The following ADGRL2 variants were observed in gnomAD, a reference collection of about 807,000 sequenced individuals.
ADGRL2 encodes the protein calcium-independent alpha-latrotoxin receptor 2.
A neutral mutation model predicts 157.4 loss-of-function variants in ADGRL2; 44 were observed. The observed-to-expected ratio is 0.28, with a 90% CI of 0.22 to 0.36. The LOEUF is 0.36. ADGRL2 is among the 10% of genes least tolerant of loss of function. The pLI is 1.00. For missense variants in ADGRL2, 1,510 were observed against 1,768.9 expected, an observed-to-expected ratio of 0.85 and a Z score of 2.63; for synonymous variants, 585 against 624.7, an observed-to-expected ratio of 0.94 and a Z score of 0.95.
chr1:81,607,579 A>G (rs1291379862), intron 3 of ADGRL2, among the ~76,000 whole-genome samples: 1 of 152,176 alleles, frequency 6.6e-6, no homozygotes, highest in Non-Finnish European at 1.5e-5. Context: ...AAAGGACAAA[A>G]CATGAAATTC....
rs181855393 is a variant in ADGRL2, at chr1:81,650,235, C to T, written c.-143+69255C>T. Among the ~76,000 whole-genome samples the T allele has an allele frequency of 1.0e-3, 158 of 152,034 alleles. 1 individual carries two copies. Among genetic ancestry groups the T allele is most frequent in the African/African-American group, 3.7e-3 (152 of 41,504 alleles). On this transcript the variant is annotated intron_variant, in intron 3 of 24. Coordinates refer to the ADGRL2 transcript ENST00000370721. The stretch of plus-strand genomic sequence containing the variant: ...GAATGATTGACTTTTGCTTGGAAAA[C>T]AGAGAAGGAACATGGCAGGTGAAGG...
At chr1:81,756,018 C>T (rs1426820224) in intron 1 of ADGRL2, among the ~76,000 whole-genome samples, 1 of 152,146 alleles carries the variant, frequency 6.6e-6, no homozygotes, top group African/African-American at 2.4e-5. Flanking sequence ...AGAAACATTT[C>T]TTTAAAATAT....
intron 1 of ADGRL2, among the ~76,000 whole-genome samples, chr1:81,344,657 A>T (rs566447377): frequency 2.5e-5 from 3 of 120,882 alleles, no homozygotes; most frequent in Non-Finnish European, 4.9e-5. Context: ...CAAGAGCGAA[A>T]CTCTGTCTCA....
chr1:81,517,865 A>G (rs974838618), intron 2 of ADGRL2, among the ~76,000 whole-genome samples: 4 of 152,222 alleles, frequency 2.6e-5, no homozygotes, highest in African/African-American at 9.6e-5. Context: ...GAGGGGCGTT[A>G]CAAATCCCAC....
chr1:81,495,132 C>G (rs2078705919), intron 2 of ADGRL2, among the ~76,000 whole-genome samples: 1 of 152,130 alleles, frequency 6.6e-6, no homozygotes, highest in Non-Finnish European at 1.5e-5. Flanking sequence ...TTTCTGATTA[C>G]TTTGCCCACA....
chr1:81,634,698 T>A (rs1467513495), intron 3 of ADGRL2, among the ~76,000 whole-genome samples: 1 of 151,988 alleles, frequency 6.6e-6, no homozygotes, highest in Non-Finnish European at 1.5e-5. Context: ...TAATTTTGTA[T>A]TTTTAGTAGA....
intron 2 of ADGRL2, among the ~76,000 whole-genome samples, chr1:81,851,638 T>C (rs1180325872): frequency 6.6e-6 from 1 of 151,912 alleles, no homozygotes; most frequent in Non-Finnish European, 1.5e-5. Flanking sequence ...CTCTTTTTCT[T>C]AATTACTTTA....
At chr1:81,799,941 C>T (rs1193572437), upstream of ADGRL2, among the ~76,000 whole-genome samples, 2 of 152,104 alleles carry the variant, frequency 1.3e-5, no homozygotes, top group Non-Finnish European at 2.9e-5. Context: ...ACTTAACTGG[C>T]TTTTAAACGT....
At chr1:81,563,088 A>G (rs934247356) in intron 2 of ADGRL2, among the ~76,000 whole-genome samples, 1 of 152,162 alleles carries the variant, frequency 6.6e-6, no homozygotes, top group African/African-American at 2.4e-5. Flanking sequence ...ACATTTCTCA[A>G]TATGACCTGT....
intron 2 of ADGRL2, among the ~76,000 whole-genome samples, chr1:81,555,981 C>T (rs2080266373): frequency 6.6e-6 from 1 of 151,796 alleles, no homozygotes; most frequent in African/African-American, 2.4e-5. Flanking sequence ...CGTATCACTG[C>T]TCCTACTACA....
chr1:81,659,613 C>T (rs79037503), intron 3 of ADGRL2, among the ~76,000 whole-genome samples: 2,673 of 151,818 alleles, frequency 0.018, 25 homozygotes, highest in Middle Eastern at 0.037. Flanking sequence ...GGATGTGTAA[C>T]ATTGATGACA....
At chr1:81,748,857 G>A (rs1488097427) in intron 1 of ADGRL2, among the ~76,000 whole-genome samples, 1 of 151,766 alleles carries the variant, frequency 6.6e-6, no homozygotes. Context: ...TAGTAGAGAT[G>A]GGGTTTCACC....
At chr1:81,494,068 T>C (rs143100704) in intron 2 of ADGRL2, among the ~76,000 whole-genome samples, 1 of 152,158 alleles carries the variant, frequency 6.6e-6, no homozygotes, top group Admixed American at 6.5e-5. Context: ...CACAAACTTA[T>C]GTCTCCTTCA....
intron 1 of ADGRL2, chr1:81,721,974 G>T: frequency 1.7e-6 from 1 of 578,914 alleles, no homozygotes; most frequent in South Asian, 1.5e-5. Flanking sequence ...AGACACTGAT[G>T]CCCTTTAAGA....
At chr1:81,380,352 G>T (rs2076323141) in intron 1 of ADGRL2, among the ~76,000 whole-genome samples, 1 of 152,036 alleles carries the variant, frequency 6.6e-6, no homozygotes, top group South Asian at 2.1e-4. Flanking sequence ...TATTCTTTTT[G>T]AAATAAGCAT....
chr1:81,918,989 A>G (rs2094920431), intron 3 of ADGRL2, among the ~76,000 whole-genome samples: 1 of 151,956 alleles, frequency 6.6e-6, no homozygotes, highest in African/African-American at 2.4e-5. Context: ...CAAGTTTTAG[A>G]CCCCACAAAA....
At chr1:81,750,188 T>C (rs939537642) in intron 1 of ADGRL2, among the ~76,000 whole-genome samples, 4 of 152,182 alleles carry the variant, frequency 2.6e-5, no homozygotes, top group African/African-American at 9.6e-5. Context: ...ACCTAACCTA[T>C]GAAGCTGGGA....
intron 2 of ADGRL2, among the ~76,000 whole-genome samples, chr1:81,567,750 A>T (rs1398867246): frequency 6.6e-6 from 1 of 152,156 alleles, no homozygotes; most frequent in African/African-American, 2.4e-5. Flanking sequence ...AAACAATATT[A>T]TGAAAGGAAA....
chr1:81,539,329 C>T (rs991602001), intron 2 of ADGRL2, among the ~76,000 whole-genome samples: 1 of 152,124 alleles, frequency 6.6e-6, no homozygotes. Context: ...GCCACCACCA[C>T]CCCTCCCCAC....
Sources: gnomAD v4.1 joint callset for allele counts (sites outside exome capture counted in the v4.1 genomes callset) on GRCh38, gnomAD v4.1.1 for gene constraint, MANE v1.5 for transcripts, NCBI Gene and HGNC (gene_info 2026-07-23, HGNC 2026-07-21) for gene names.